The following PRMT3 variants were observed in gnomAD, a reference collection of about 807,000 sequenced individuals.
The protein encoded by PRMT3 is protein arginine N-methyltransferase 3.
In PRMT3, 62 loss-of-function variants were observed where a neutral mutation model predicts 71.9. The ratio of observed to expected loss-of-function variants is 0.86; its 90% confidence interval spans 0.70 to 1.07. The LOEUF (loss-of-function observed/expected upper bound fraction) is 1.07, where lower values mean the gene tolerates loss of function less well. Ranked by LOEUF, PRMT3 falls within the 50% of genes least tolerant of loss-of-function variation. PRMT3 has a pLI of 0.00. For synonymous variants in PRMT3, 213 were observed against 220.4 expected (o/e 0.97, Z 0.30); for missense variants, 663 against 643.0 (o/e 1.03, Z -0.34).
At chr11:20,489,720 C>T (rs1438400592) in intron 13 of PRMT3, among the ~76,000 whole-genome samples, 4 of 151,160 alleles carry the variant, frequency 2.6e-5, no homozygotes, top group Non-Finnish European at 5.9e-5. Flanking sequence ...AATAAAAACA[C>T]TAATCATAAT....
At chr11:20,501,265 G>C (rs1324406535) in intron 15 of PRMT3, among the ~76,000 whole-genome samples, 3 of 152,112 alleles carry the variant, frequency 2.0e-5, no homozygotes, top group Non-Finnish European at 4.4e-5. Context: ...CAACATCTTA[G>C]TGTGCCTCCC....
Position 20,389,834 on chromosome 11 carries a change from G to C in PRMT3, c.247+8G>C. The C allele has an allele frequency of 6.3e-7, 1 of 1,593,852 alleles. No homozygotes were observed. The highest frequency in any genetic ancestry group is 8.6e-7 in the Non-Finnish European group (1 of 1,162,318). On this transcript the variant is annotated splice_region_variant and intron_variant, in intron 3 of 15. Coordinates refer to ENST00000331079, the MANE Select transcript of PRMT3 (RefSeq NM_005788.4). ...GCATGGTTCATAAACATGGTGAGTA[G>C]TTTTTAGAATAAAGGCAATTTAATT...
At chr11:20,422,154 C>T (rs1344466070) in intron 9 of PRMT3, among the ~76,000 whole-genome samples, 1 of 152,158 alleles carries the variant, frequency 6.6e-6, no homozygotes, top group African/African-American at 2.4e-5. Flanking sequence ...ATCCCTTCTA[C>T]TCAGTAGTAT....
chr11:20,391,238 T>C (rs1445138409), intron 3 of PRMT3, among the ~76,000 whole-genome samples: 8 of 152,124 alleles, frequency 5.3e-5, no homozygotes, highest in Admixed American at 2.0e-4. Flanking sequence ...CATTTTTTAA[T>C]GTTTTTTGTT....
At chr11:20,400,771 T>A (rs1015791951) in intron 7 of PRMT3, among the ~76,000 whole-genome samples, 1 of 152,128 alleles carries the variant, frequency 6.6e-6, no homozygotes, top group Non-Finnish European at 1.5e-5. Context: ...TTACTAGTCT[T>A]AAAATATTAT....
chr11:20,429,286 A>G (rs1849607467), intron 10 of PRMT3, among the ~76,000 whole-genome samples: 3 of 152,156 alleles, frequency 2.0e-5, no homozygotes, highest in Admixed American at 6.5e-5. Flanking sequence ...GCAGTTCACA[A>G]TAGGGTTCAC....
chr11:20,410,189 A>G (rs1393386858), intron 9 of PRMT3, among the ~76,000 whole-genome samples: 1 of 152,096 alleles, frequency 6.6e-6, no homozygotes, highest in East Asian at 1.9e-4. Flanking sequence ...TATAATATTA[A>G]TATTTAGTGC....
intron 13 of PRMT3, among the ~76,000 whole-genome samples, chr11:20,478,938 C>G (rs1490283748): frequency 2.0e-5 from 3 of 152,182 alleles, no homozygotes; most frequent in Non-Finnish European, 2.9e-5. Flanking sequence ...CCTTACAAAG[C>G]TAATCAGCTA....
At chr11:20,470,195 G>A (rs138616715) in intron 13 of PRMT3, among the ~76,000 whole-genome samples, 1 of 152,272 alleles carries the variant, frequency 6.6e-6, no homozygotes, top group East Asian at 1.9e-4. Context: ...TGGTATTTAT[G>A]TATCTAAGCA....
intron 15 of PRMT3, among the ~76,000 whole-genome samples, chr11:20,503,135 A>G (rs558968163): frequency 2.6e-5 from 4 of 152,228 alleles, no homozygotes; most frequent in African/African-American, 9.6e-5. Flanking sequence ...TCTTTAAACT[A>G]TCTTGCTTTA....
chr11:20,450,047 A>G (rs1335516054), intron 10 of PRMT3, among the ~76,000 whole-genome samples: 9 of 152,204 alleles, frequency 5.9e-5, no homozygotes, highest in South Asian at 2.1e-4. Context: ...ATGTAGGAAC[A>G]TCAGAGAAAT....
intron 7 of PRMT3, among the ~76,000 whole-genome samples, chr11:20,399,936 G>C (rs975132157): frequency 5.3e-5 from 8 of 152,152 alleles, no homozygotes; most frequent in Non-Finnish European, 1.2e-4. Context: ...TTTAGTTCTT[G>C]TGCAGTGTAA....
At chr11:20,453,096 A>T (rs1383564215) in intron 11 of PRMT3, among the ~76,000 whole-genome samples, 1 of 152,118 alleles carries the variant, frequency 6.6e-6, no homozygotes, top group South Asian at 2.1e-4. Context: ...AGGGGCAGGC[A>T]TTTCAAACTA....
chr11:20,489,211 G>A (rs1851150627), intron 13 of PRMT3, among the ~76,000 whole-genome samples: 6 of 151,940 alleles, frequency 3.9e-5, no homozygotes. Flanking sequence ...TAAACTTTTA[G>A]TTATAAATTT....
At chr11:20,480,076 A>T (rs1346209757) in intron 13 of PRMT3, among the ~76,000 whole-genome samples, 1 of 152,212 alleles carries the variant, frequency 6.6e-6, no homozygotes, top group East Asian at 1.9e-4. Flanking sequence ...CTGTAATCCC[A>T]ACATTTGGAA....
intron 10 of PRMT3, among the ~76,000 whole-genome samples, chr11:20,432,564 G>T (rs1202824082): frequency 6.6e-6 from 1 of 151,978 alleles, no homozygotes; most frequent in Admixed American, 6.6e-5. Flanking sequence ...CCTTTCTTTT[G>T]AATATGTATA....
At chr11:20,508,264 A>G (rs781064017) in intron 15 of PRMT3, 40 bp from the exon 16 acceptor site, 1 of 1,225,062 alleles carries the variant, frequency 8.2e-7, no homozygotes, top group Non-Finnish European at 1.2e-6. Context: ...GCTACACTGT[A>G]TTCCTTGAAT....
At chr11:20,477,105 TTTA>T (rs1397935220) in intron 13 of PRMT3, among the ~76,000 whole-genome samples, 1 of 152,106 alleles carries the variant, frequency 6.6e-6, no homozygotes, top group African/African-American at 2.4e-5. Context: ...GAGTTTATGG[TTTA>T]TTACAGTAAG....
chr11:20,413,522 T>C (rs1283454873), intron 9 of PRMT3, among the ~76,000 whole-genome samples: 1 of 152,194 alleles, frequency 6.6e-6, no homozygotes, highest in African/African-American at 2.4e-5. Flanking sequence ...GCAAAATGGC[T>C]GGCCCTGTAA....
Sources: gnomAD v4.1 joint callset for allele counts (sites outside exome capture counted in the v4.1 genomes callset) on GRCh38, gnomAD v4.1.1 for gene constraint, MANE v1.5 for transcripts, NCBI Gene and HGNC (gene_info 2026-07-23, HGNC 2026-07-21) for gene names.